The following PRKG1 variants were observed in gnomAD, a reference collection of about 807,000 sequenced individuals.
PRKG1 encodes the protein cGMP-dependent protein kinase 1.
PRKG1 carries 35 observed loss-of-function variants against 88.1 expected under a neutral mutation model. The observed-to-expected ratio is 0.40, with a 90% confidence interval of 0.30 to 0.53. The LOEUF (loss-of-function observed/expected upper bound fraction) is 0.53, where lower values mean the gene tolerates loss of function less well. Among genes scored for constraint, PRKG1 ranks in the 20% least tolerant of loss-of-function variants. The pLI, the probability that PRKG1 is intolerant of heterozygous loss-of-function variation, is 0.59. For synonymous variants in PRKG1, 303 were observed against 292.5 expected (o/e 1.04, Z -0.37); for missense variants, 540 against 839.8 (o/e 0.64, Z 4.41).
intron 1 of PRKG1, among the ~76,000 whole-genome samples, chr10:51,044,401 G>A (rs749197513): frequency 6.6e-6 from 1 of 152,292 alleles, no homozygotes; most frequent in Non-Finnish European, 1.5e-5. Flanking sequence ...AACATCAAAG[G>A]AGGAGGAAGG....
chr10:52,214,841 T>C (rs1389442012), intron 9 of PRKG1, among the ~76,000 whole-genome samples: 3 of 152,090 alleles, frequency 2.0e-5, no homozygotes, highest in Non-Finnish European at 4.4e-5. Context: ...GAAGAAGATA[T>C]GGAGCAGGTA....
chr10:51,581,391 G>A (rs1838030695), intron 3 of PRKG1, among the ~76,000 whole-genome samples: 2 of 152,116 alleles, frequency 1.3e-5, no homozygotes, highest in South Asian at 4.1e-4. Context: ...ATTCTCAGAA[G>A]GGAGTATGCC....
chr10:51,309,952 T>C (rs920414597), intron 2 of PRKG1, among the ~76,000 whole-genome samples: 4 of 152,154 alleles, frequency 2.6e-5, no homozygotes, highest in African/African-American at 7.2e-5. Context: ...TGCAACTACA[T>C]GGATGGAACT....
At position 52,288,913 on chromosome 10, in the gene PRKG1, C is replaced by T. The variant is rs773126569; in HGVS notation, c.1833-18C>T. The T allele has an allele frequency of 6.3e-7, 1 of 1,596,540 alleles. No individual in the cohort carries two copies. Among genetic ancestry groups the T allele is most frequent in the Non-Finnish European group, 8.6e-7 (1 of 1,169,376 alleles). The stretch of plus-strand genomic sequence containing the variant: ...TGTGAAAAAATTAGATTTAATAAAA[C>T]CATTATTTTATTTTTAGGGACAATC... On this transcript the variant is annotated intron_variant, in intron 15 of 17. Transcript: ENST00000373980.
chr10:51,281,157 GCAGAGGCTGC>G (rs1223926972), intron 2 of PRKG1, among the ~76,000 whole-genome samples: 2 of 152,202 alleles, frequency 1.3e-5, no homozygotes, highest in Non-Finnish European at 2.9e-5. Flanking sequence ...GGTATCAGCA[GCAGAGGCTGC>G]AGAACAGCGG....
chr10:51,560,363 A>G (rs1476253971), intron 3 of PRKG1, among the ~76,000 whole-genome samples: 1 of 152,172 alleles, frequency 6.6e-6, no homozygotes, highest in Non-Finnish European at 1.5e-5. Context: ...TGTAAGAAAA[A>G]GTAAACTTGA....
chr10:51,578,734 G>C (rs567578761), intron 3 of PRKG1, among the ~76,000 whole-genome samples: 6 of 152,014 alleles, frequency 3.9e-5, no homozygotes, highest in African/African-American at 7.2e-5. Context: ...ATTTTCAATA[G>C]AGTCTGTTAG....
chr10:52,076,103 G>A (rs1051604530), intron 7 of PRKG1, among the ~76,000 whole-genome samples: 2 of 152,158 alleles, frequency 1.3e-5, no homozygotes, highest in Non-Finnish European at 2.9e-5. Flanking sequence ...AGAAAAAAAT[G>A]AACTTGAATC....
chr10:51,410,600 CACAG>C (rs910001185), intron 2 of PRKG1, among the ~76,000 whole-genome samples: 6 of 152,232 alleles, frequency 3.9e-5, no homozygotes, highest in Middle Eastern at 6.8e-3. Context: ...GCAACACCCT[CACAG>C]ACACACGCAG....
At chr10:51,215,836 A>C (rs188263585) in intron 2 of PRKG1, among the ~76,000 whole-genome samples, 4 of 152,350 alleles carry the variant, frequency 2.6e-5, no homozygotes, top group Admixed American at 1.3e-4. Flanking sequence ...TAGTTATAAC[A>C]GTGATAGGTG....
intron 2 of PRKG1, among the ~76,000 whole-genome samples, chr10:51,398,398 C>T (rs1272848342): frequency 6.8e-6 from 1 of 146,528 alleles, no homozygotes; most frequent in Non-Finnish European, 1.5e-5. Context: ...TGCTCACTCA[C>T]CTGCTGCTCA....
chr10:51,319,556 C>A (rs940357925), intron 2 of PRKG1, among the ~76,000 whole-genome samples: 1 of 152,178 alleles, frequency 6.6e-6, no homozygotes, highest in Non-Finnish European at 1.5e-5. Flanking sequence ...AGTTATTAGA[C>A]AATATCTGTC....
At chr10:52,242,379 T>C (rs1267870921) in intron 9 of PRKG1, 1 of 152,186 alleles carries the variant, frequency 6.6e-6, no homozygotes, top group Non-Finnish European at 1.5e-5. Context: ...ATAAAGGAAA[T>C]ATCTATTCTG....
intron 7 of PRKG1, among the ~76,000 whole-genome samples, chr10:52,128,923 G>T (rs1267014083): frequency 6.6e-6 from 1 of 152,168 alleles, no homozygotes; most frequent in Non-Finnish European, 1.5e-5. Context: ...CAAGTCTAGT[G>T]TGCTGAATGT....
At chr10:51,625,733 A>AT (rs1447222442) in intron 3 of PRKG1, among the ~76,000 whole-genome samples, 1 of 152,136 alleles carries the variant, frequency 6.6e-6, no homozygotes, top group African/African-American at 2.4e-5. Flanking sequence ...TAAAAAAAAA[A>AT]AAAGAATATA....
chr10:51,637,600 G>C (rs1380812276), intron 3 of PRKG1, among the ~76,000 whole-genome samples: 1 of 152,186 alleles, frequency 6.6e-6, no homozygotes, highest in Non-Finnish European at 1.5e-5. Flanking sequence ...TAAAAGGAAC[G>C]AGATTATGTC....
At chr10:51,095,947 CT>C (rs1844517220) in intron 1 of PRKG1, among the ~76,000 whole-genome samples, 1 of 151,984 alleles carries the variant, frequency 6.6e-6, no homozygotes, top group Non-Finnish European at 1.5e-5. Flanking sequence ...TTGTTTTTAC[CT>C]CTTGTTTCAG....
chr10:52,095,263 C>T (rs1847146357), intron 7 of PRKG1, among the ~76,000 whole-genome samples: 1 of 152,136 alleles, frequency 6.6e-6, no homozygotes, highest in African/African-American at 2.4e-5. Context: ...CTAAATTCCT[C>T]ATTTTCTTTA....
chr10:51,117,067 C>A (rs1187886250), intron 1 of PRKG1, among the ~76,000 whole-genome samples: 1 of 152,162 alleles, frequency 6.6e-6, no homozygotes, highest in Non-Finnish European at 1.5e-5. Context: ...GTTCTGCTCT[C>A]TCTTATTGTG....
Sources: gnomAD v4.1 joint callset for allele counts (sites outside exome capture counted in the v4.1 genomes callset) on GRCh38, gnomAD v4.1.1 for gene constraint, MANE v1.5 for transcripts, NCBI Gene and HGNC (gene_info 2026-07-23, HGNC 2026-07-21) for gene names.